HMMR: variants seen among roughly 807,000 people sequenced by gnomAD.
HMMR encodes intracellular hyaluronic acid-binding protein.
HMMR carries 108 observed loss-of-function variants against 101.0 expected under a neutral mutation model. The observed-to-expected ratio is 1.07, with a 90% CI of 0.92 to 1.25. The LOEUF (loss-of-function observed/expected upper bound fraction) is 1.25. HMMR is among the 50% of genes most tolerant of loss of function. The pLI, the probability that HMMR is intolerant of heterozygous loss-of-function variation, is 0.00. For missense variants in HMMR, 813 were observed against 788.7 expected, an observed-to-expected ratio of 1.03 and a Z score of -0.37; for synonymous variants, 296 against 276.4, an observed-to-expected ratio of 1.07 and a Z score of -0.70.
At chr5:163,483,389 T>C in intron 15 of HMMR, 22 bp downstream of exon 15, 2 of 1,276,816 alleles carry the variant, frequency 1.6e-6, no homozygotes, top group Non-Finnish European at 2.3e-6. Flanking sequence ...AGGAGTAAAC[T>C]TACTTGTGTT....
At chr5:163,485,556 C>T (rs1023402329) in intron 16 of HMMR, among the ~76,000 whole-genome samples, 23 of 152,124 alleles carry the variant, frequency 1.5e-4, no homozygotes, top group African/African-American at 5.3e-4. Flanking sequence ...AATTCTTCAT[C>T]AATTCTGGAC....
At chr5:163,470,707 A>C (rs1758858145) in intron 5 of HMMR, among the ~76,000 whole-genome samples, 1 of 152,178 alleles carries the variant, frequency 6.6e-6, no homozygotes, top group Admixed American at 6.5e-5. Flanking sequence ...TAAGAACAGT[A>C]GACTGGTACA....
rs776300282 is a variant in HMMR, at chr5:163,475,619, G to C, written c.1215G>C (p.Glu405Asp). 6.2e-7 allele frequency: 1 copy of C among 1,612,936 alleles called. No individual in the cohort carries two copies. Among genetic ancestry groups the C allele is most frequent in the Non-Finnish European group, 8.5e-7 (1 of 1,179,282 alleles). The part of the protein sequence containing the change: ...QAERLVKQLE[E>D]EAKSRAEELK... ...AAAGGCTGGTCAAGCAATTGGAAGAGGAAGCAAAATCTAGAGCTGAAGAAT... is the reference window on the plus strand; with the variant it reads ...AAAGGCTGGTCAAGCAATTGGAAGACGAAGCAAAATCTAGAGCTGAAGAAT... The change falls in exon 11 of 18, where the codon GAG (glutamate) becomes GAC (aspartate). Residue 405 changes from glutamate (E) to aspartate (D), a missense_variant. Coordinates refer to ENST00000393915, the MANE Select transcript of HMMR (RefSeq NM_001142556.2).
chr5:163,491,143 G>A lies in HMMR; in HGVS notation c.2157G>A (p.Glu719=), dbSNP rs1759681309. 2 of 1,571,424 alleles carry A rather than the reference G, an allele frequency of 1.3e-6. No homozygotes were observed. Among genetic ancestry groups the A allele is most frequent in the African/African-American group, 1.4e-5 (1 of 73,040 alleles). The change falls in exon 18 of 18, where the codon GAG becomes GAA. Residue 719 remains glutamate, a synonymous_variant. Coordinates refer to ENST00000393915, the MANE Select transcript of HMMR (RefSeq NM_001142556.2). ...CAAACTGTTACCGAGCTCCTATGGA[G>A]TGTCAAGAATCATGGAAGTAAACAT... is the stretch of plus-strand genomic sequence containing the variant. ...GNTNCYRAPM[E]CQESWK
chr5:163,471,967 T>C (rs1371122242), intron 7 of HMMR, among the ~76,000 whole-genome samples: 1 of 152,230 alleles, frequency 6.6e-6, no homozygotes, highest in African/African-American at 2.4e-5. Context: ...CTACTGCCTA[T>C]GTCATGTCCC....
chr5:163,474,238 A>T, intron 10 of HMMR, 33 bp downstream of exon 10: 5 of 1,529,804 alleles, frequency 3.3e-6, no homozygotes, highest in Non-Finnish European at 4.5e-6. Context: ...TAAACTGTTC[A>T]TTTTGTGTCA....
Position 163,473,530 on chromosome 5 carries a change from A to C in HMMR, c.877A>C (p.Lys293Gln). 1.3e-6 allele frequency: 2 copies of C among 1,579,660 alleles called. No homozygotes were observed. The highest frequency in any genetic ancestry group is 1.7e-6 in the Non-Finnish European group (2 of 1,161,052). The change falls in exon 9 of 18, where the codon AAA becomes CAA. Residue 293 changes from lysine to glutamine, a missense_variant. Lys to Gln is a moderately conservative substitution (Grantham distance 53). Transcript: ENST00000393915. ...TAAACAAGTAGAAGATCTAAATGTG[A>C]AATGTCAGCTGCTTGAAAAAGAAAA... is the stretch of plus-strand genomic sequence containing the variant. ...LSKQVEDLNV[K>Q]CQLLEKEKED...
rs373002206 is a variant in HMMR at position 163,473,242 on chromosome 5, C to T, written c.714C>T (p.Ile238=). Residue 238 remains isoleucine, a synonymous_variant, in exon 8 of 18, where the codon ATC becomes ATT. Coordinates refer to ENST00000393915, the MANE Select transcript of HMMR (RefSeq NM_001142556.2). Reference sequence around the variant, plus strand: ...AAACAGAAAAACTCTTGGAATACATCGAAGAAATTAGGTAATATGAGCAGT... The same window carrying T: ...AAACAGAAAAACTCTTGGAATACATTGAAGAAATTAGGTAATATGAGCAGT... ...KSETEKLLEY[I]EEISCASDQV... 5.2e-5 allele frequency: 82 copies of T among 1,566,532 alleles called. No homozygotes were observed. The highest frequency in any genetic ancestry group is 6.8e-5 in the Non-Finnish European group (77 of 1,140,368).
At chr5:163,484,989 T>G (rs1759426961) in intron 16 of HMMR, among the ~76,000 whole-genome samples, 1 of 152,222 alleles carries the variant, frequency 6.6e-6, no homozygotes, top group African/African-American at 2.4e-5. Flanking sequence ...TATGTGGGTA[T>G]ACCACATTTT....
At chr5:163,478,176 A>C (rs1322351385) in intron 11 of HMMR, among the ~76,000 whole-genome samples, 1 of 152,236 alleles carries the variant, frequency 6.6e-6, no homozygotes, top group East Asian at 1.9e-4. Context: ...CTGTCTATGC[A>C]AAATAATCCA....
In HMMR at chr5:163,473,515, G is replaced by C; in HGVS notation, c.862G>C (p.Glu288Gln). ...TATTGTTATATTATCTAAACAAGTAGAAGATCTAAATGTGAAATGTCAGCT... is the reference window on the plus strand; with the variant it reads ...TATTGTTATATTATCTAAACAAGTACAAGATCTAAATGTGAAATGTCAGCT... ...ENIVILSKQVEDLNVKCQLLE... is the reference protein window; with the variant it reads ...ENIVILSKQVQDLNVKCQLLE... Residue 288 changes from glutamate (E) to glutamine (Q), a missense_variant, in exon 9 of 18, where the codon GAA becomes CAA. By Grantham distance (29) the Glu-to-Gln change is conservative. Coordinates refer to ENST00000393915, the MANE Select transcript of HMMR (RefSeq NM_001142556.2). 1.3e-6 allele frequency: 2 copies of C among 1,588,248 alleles called. No homozygotes were observed. The highest frequency in any genetic ancestry group is 1.7e-6 in the Non-Finnish European group (2 of 1,165,118).
intron 5 of HMMR, among the ~76,000 whole-genome samples, chr5:163,470,374 C>T (rs1436312043): frequency 4.6e-5 from 7 of 152,134 alleles, no homozygotes; most frequent in African/African-American, 1.4e-4. Context: ...GTAATTCCAG[C>T]GCTTTGGGAA....
intron 15 of HMMR, 44 bp from the exon 16 acceptor site, chr5:163,484,025 C>T (rs1759376096): frequency 8.4e-7 from 1 of 1,191,808 alleles, no homozygotes; most frequent in Admixed American, 2.4e-5. Flanking sequence ...CTAGTAAGAT[C>T]AAACTGTTTT....
intron 7 of HMMR, among the ~76,000 whole-genome samples, chr5:163,472,426 T>C (rs914107340): frequency 4.6e-5 from 7 of 152,236 alleles, no homozygotes; most frequent in Non-Finnish European, 1.5e-5. Flanking sequence ...GTTTTATGTT[T>C]TTTTATGGAC....
In HMMR at chr5:163,461,568, G is replaced by A. The variant is rs565454074; in HGVS notation, c.46+830G>A. 2.0e-5 allele frequency among the ~76,000 whole-genome samples: 3 copies of A among 152,198 alleles called. No individual in the cohort carries two copies. The East Asian group carries it at 5.8e-4, about 29-fold the overall frequency. ...CCAGCACTTTGGGAGGCCGAGGCAGGTGGATCACGAGGTCAGGAGATCGAG... is the reference window on the plus strand; with the variant it reads ...CCAGCACTTTGGGAGGCCGAGGCAGATGGATCACGAGGTCAGGAGATCGAG... On this transcript the variant is annotated intron_variant, in intron 1 of 17. Coordinates refer to ENST00000393915, the MANE Select transcript of HMMR (RefSeq NM_001142556.2).
At chr5:163,474,567 AACATTTT>A (rs1234513821) in intron 10 of HMMR, 7 of 456,444 alleles carry the variant, frequency 1.5e-5, no homozygotes, top group Non-Finnish European at 3.1e-5. Context: ...TTATTTATAG[AACATTTT>A]ACATATCAGT....
intron 8 of HMMR, 33 bp downstream of exon 8, chr5:163,473,286 AT>A: frequency 8.8e-6 from 13 of 1,480,174 alleles, no homozygotes; most frequent in Non-Finnish European, 1.2e-5. Flanking sequence ...ATTGAACCTT[AT>A]TTTTTTAATA....
intron 12 of HMMR, among the ~76,000 whole-genome samples, chr5:163,479,597 A>C (rs1759189698): frequency 6.6e-6 from 1 of 152,232 alleles, no homozygotes; most frequent in African/African-American, 2.4e-5. Context: ...CAGGAGTTCC[A>C]GGCTGCACTG....
chr5:163,473,922 A>C, intron 9 of HMMR, 135 bp from the exon 10 acceptor site: 2 of 703,844 alleles, frequency 2.8e-6, no homozygotes, highest in Middle Eastern at 8.0e-4. Flanking sequence ...GTAATGATAC[A>C]AAGTTCACAG....
Sources: allele counts gnomAD v4.1 joint callset (sites outside exome capture counted in the v4.1 genomes callset), GRCh38; gene constraint gnomAD v4.1.1; transcripts MANE v1.5; gene names NCBI Gene and HGNC (gene_info 2026-07-23, HGNC 2026-07-21).